Variants in ADGRD1 observed in about 807,000 individuals in gnomAD.
The protein encoded by ADGRD1 is adhesion G protein-coupled receptor D1.
A neutral mutation model predicts 113.4 loss-of-function variants in ADGRD1; 77 were observed. The observed-to-expected ratio is 0.68, with a 90% CI of 0.57 to 0.82. The LOEUF (loss-of-function observed/expected upper bound fraction) is 0.82. ADGRD1 is among the 40% of genes least tolerant of loss of function. The probability of loss-of-function intolerance (pLI) is 0.00; values close to 1 mark genes in which losing one functional copy is unlikely to be tolerated. For missense variants in ADGRD1, 1,036 were observed against 1,139.1 expected, an observed-to-expected ratio of 0.91 and a Z score of 1.30; for synonymous variants, 474 against 475.0, an observed-to-expected ratio of 1.00 and a Z score of 0.03.
chr12:131,133,310 T>G (rs1019133701), intron 21 of ADGRD1, among the ~76,000 whole-genome samples: 1 of 152,176 alleles, frequency 6.6e-6, no homozygotes, highest in Admixed American at 6.5e-5. Flanking sequence ...AGAACACCCC[T>G]GTGCACCTGC....
chr12:131,073,854 C>CTAACT (rs1169729918), intron 13 of ADGRD1, among the ~76,000 whole-genome samples: 1 of 152,198 alleles, frequency 6.6e-6, no homozygotes, highest in African/African-American at 2.4e-5. Flanking sequence ...CCTGCAAGAA[C>CTAACT]TAACTTACTC....
At chr12:130,974,658 A>T (rs1872093016) in intron 4 of ADGRD1, among the ~76,000 whole-genome samples, 1 of 151,124 alleles carries the variant, frequency 6.6e-6, no homozygotes. Context: ...CACTGCTTTT[A>T]TATTTCTGAT....
chr12:131,065,245 C>T (rs115867394), intron 13 of ADGRD1, among the ~76,000 whole-genome samples: 35 of 152,230 alleles, frequency 2.3e-4, no homozygotes, highest in East Asian at 1.4e-3. Context: ...TGAGAGAAAA[C>T]GGAGTGACAG....
intron 13 of ADGRD1, among the ~76,000 whole-genome samples, chr12:131,033,744 C>T (rs1207388414): frequency 1.3e-5 from 2 of 152,288 alleles, no homozygotes; most frequent in East Asian, 3.9e-4. Flanking sequence ...GAGCAGGTGC[C>T]CAACCAGGGC....
intron 2 of ADGRD1, among the ~76,000 whole-genome samples, chr12:130,960,630 T>C (rs926641247): frequency 6.9e-6 from 1 of 145,694 alleles, no homozygotes; most frequent in African/African-American, 2.5e-5. Context: ...CATTAAAAAT[T>C]TGGGAGATTT....
chr12:131,009,814 G>T (rs1227146341), intron 12 of ADGRD1, among the ~76,000 whole-genome samples: 1 of 152,228 alleles, frequency 6.6e-6, no homozygotes, highest in East Asian at 1.9e-4. Flanking sequence ...GTGTACATGT[G>T]TGGTATGTGT....
rs1951144628 is a variant in ADGRD1 at position 131,138,176 on chromosome 12, C to T, written c.2476C>T (p.Leu826Phe). 6.2e-7 allele frequency: 1 copy of T among 1,613,664 alleles called. No individual in the cohort carries two copies. Among genetic ancestry groups the T allele is most frequent in the Admixed American group, 1.7e-5 (1 of 60,008 alleles). Residue 826 changes from leucine (L) to phenylalanine (F), a missense_variant, in exon 24 of 25, where the codon CTC (leucine) becomes TTC (phenylalanine). Coordinates refer to ENST00000261654, the MANE Select transcript of ADGRD1 (RefSeq NM_198827.5). ...AFKHKTKVWS[L>F]TSSSARTSNA... ...CAAGCACAAAACCAAGGTCTGGTCG[C>T]TCACGAGCAGCTCTGCCCGCACCTC...
intron 18 of ADGRD1, among the ~76,000 whole-genome samples, chr12:131,109,338 G>A (rs1296445090): frequency 3.3e-5 from 5 of 152,134 alleles, no homozygotes; most frequent in Non-Finnish European, 7.4e-5. Flanking sequence ...GTGTCGAAGT[G>A]AAAGTTGAGG....
At chr12:131,039,948 C>A (rs968600259) in intron 13 of ADGRD1, among the ~76,000 whole-genome samples, 1 of 152,176 alleles carries the variant, frequency 6.6e-6, no homozygotes, top group African/African-American at 2.4e-5. Flanking sequence ...CTGAGGCCGG[C>A]GCAGATAGGA....
At chr12:131,129,206 G>T (rs1409309752) in intron 20 of ADGRD1, among the ~76,000 whole-genome samples, 1 of 122,678 alleles carries the variant, frequency 8.2e-6, no homozygotes, top group Non-Finnish European at 1.7e-5. Flanking sequence ...GTGAGTGACA[G>T]CCCCGCCCTG....
At chr12:130,973,130 A>G (rs1871885348) in intron 4 of ADGRD1, 1 of 152,206 alleles carries the variant, frequency 6.6e-6, no homozygotes. Flanking sequence ...GGCTGGAGCT[A>G]AGTCGCGGTG....
At chr12:130,957,700 T>C (rs1201712025) in intron 2 of ADGRD1, 3 of 152,228 alleles carry the variant, frequency 2.0e-5, no homozygotes, top group African/African-American at 7.2e-5. Flanking sequence ...AGGGTAGAAA[T>C]CAACATTTCC....
At chr12:131,000,847 A>G (rs912623008) in intron 9 of ADGRD1, among the ~76,000 whole-genome samples, 1 of 152,118 alleles carries the variant, frequency 6.6e-6, no homozygotes, top group Admixed American at 6.5e-5. Flanking sequence ...GTGGCATAAT[A>G]TGGCCCAGTC....
intron 13 of ADGRD1, among the ~76,000 whole-genome samples, chr12:131,046,303 CT>C: frequency 8.9e-6 from 1 of 111,932 alleles, no homozygotes; most frequent in African/African-American, 3.1e-5. Context: ...CTGGTCAGTG[CT>C]CCCTCCCTGG....
At chr12:130,975,917 C>T (rs1290095237) in intron 4 of ADGRD1, among the ~76,000 whole-genome samples, 1 of 152,152 alleles carries the variant, frequency 6.6e-6, no homozygotes, top group African/African-American at 2.4e-5. Context: ...AGGCAGCCTC[C>T]CCGATTAGCC....
At chr12:131,137,879 G>A (rs1258836728) in intron 23 of ADGRD1, 13 of 230,008 alleles carry the variant, frequency 5.7e-5, no homozygotes, top group African/African-American at 1.6e-4. Flanking sequence ...CACTCACCCC[G>A]GGACATTCAT....
chr12:130,969,079 AT>A, intron 3 of ADGRD1: 1 of 1,439,106 alleles, frequency 6.9e-7, no homozygotes, highest in Non-Finnish European at 9.4e-7. Context: ...GTAGGTGAGC[AT>A]TTATGTACTT....
rs1225849529 is a variant in ADGRD1 at position 131,050,949 on chromosome 12, C to CT, written c.1474-25851dup. On this transcript the variant is annotated intron_variant, in intron 13 of 24. Coordinates refer to ENST00000261654, the MANE Select transcript of ADGRD1 (RefSeq NM_198827.5). The surrounding 1 kb of genome is among the most constrained non-coding windows in gnomAD (Gnocchi z 4.8). The stretch of plus-strand genomic sequence containing the variant: ...GCCTGCTTGCCCACCGCTCTGTGTG[C>CT]TGTGTGCCCGGTTCCTAACAGGCCA... Among the ~76,000 whole-genome samples the CT allele has an allele frequency of 6.6e-6, 1 of 152,200 alleles. No homozygotes were observed. Among genetic ancestry groups the CT allele is most frequent in the African/African-American group, 2.4e-5 (1 of 41,456 alleles).
At chr12:131,130,768 A>G (rs11615282) in intron 20 of ADGRD1, among the ~76,000 whole-genome samples, 70,986 of 150,686 alleles carry the variant, frequency 0.47, 17,035 homozygotes, top group Middle Eastern at 0.54. Context: ...GGGAGAGCGA[A>G]GCTGGCCATC....
Sources: gnomAD v4.1 joint callset for allele counts (sites outside exome capture counted in the v4.1 genomes callset) on GRCh38, gnomAD v4.1.1 for gene constraint, Gnocchi (gnomAD v3.1) non-coding constraint, MANE v1.5 for transcripts, NCBI Gene and HGNC (gene_info 2026-07-23, HGNC 2026-07-21) for gene names.